The following LHX3 variants were observed in gnomAD, a reference collection of about 807,000 sequenced individuals.
LHX3 encodes the protein LIM homeobox 3.
In LHX3, 21 loss-of-function variants were observed where a neutral mutation model predicts 32.4. That is an observed-to-expected ratio of 0.65 (90% CI 0.46 to 0.93). LHX3 has a LOEUF of 0.93. Among genes scored for constraint, LHX3 ranks in the 40% least tolerant of loss-of-function variants. The pLI is 0.00. For synonymous variants in LHX3, 258 were observed against 246.8 expected, an observed-to-expected ratio of 1.05 and a Z score of -0.43; for missense variants, 626 against 560.0, an observed-to-expected ratio of 1.12 and a Z score of -1.19.
intron 1 of LHX3, chr9:136,201,141 A>G (rs1039357756): frequency 7.2e-7 from 1 of 1,392,010 alleles, no homozygotes; most frequent in Non-Finnish European, 9.3e-7. Flanking sequence ...CAGGAAACAT[A>G]GGGAAACGGG....
rs2131030062 is a variant in LHX3 at position 136,197,493 on chromosome 9, G to A, written c.1026C>T (p.Thr342=). The A allele has an allele frequency of 6.4e-7, 1 of 1,556,508 alleles. No individual in the cohort carries two copies. Among genetic ancestry groups the A allele is most frequent in the East Asian group, 2.4e-5 (1 of 41,610 alleles). The part of the protein sequence containing the change: ...PLLSSLVYPD[T]SLGLVPSGAP... Reference sequence around the variant, plus strand: ...CTCCCGAGGGCACAAGGCCCAAGCTGGTGTCTGGGTACACCAGGCTGGAGA... The same window carrying A: ...CTCCCGAGGGCACAAGGCCCAAGCTAGTGTCTGGGTACACCAGGCTGGAGA... The change falls in exon 6 of 6, where the codon ACC becomes ACT. Residue 342 remains threonine, a synonymous_variant. Transcript: ENST00000371748.
intron 1 of LHX3, chr9:136,201,625 C>T (rs979132969): frequency 5.0e-6 from 5 of 998,214 alleles, no homozygotes; most frequent in Non-Finnish European, 6.0e-6. Flanking sequence ...TGACATATTG[C>T]ACCCGCCTCC....
rs537126781 is a variant in LHX3 at position 136,198,537 on chromosome 9, A to G, written c.775+115T>C. 5.0e-6 allele frequency: 6 copies of G among 1,205,996 alleles called. No homozygotes were observed. The South Asian group carries it at 6.8e-5, about 14-fold the overall frequency. The allele number at this position is 1,205,996 out of a possible 1,614,324, so 74.7% of individuals were successfully genotyped here. On this transcript the variant is annotated intron_variant, in intron 5 of 5. Transcript: ENST00000371748. ...TAAGTGAAATGCTTTTGAAAGTAGA[A>G]CTTAAGGAGTCCACTAACTCCATGG...
intron 5 of LHX3, 59 bp from the exon 6 acceptor site, chr9:136,197,802 C>A (rs1440442062): frequency 4.4e-6 from 7 of 1,576,424 alleles, no homozygotes; most frequent in Non-Finnish European, 6.0e-6. Flanking sequence ...CCCTCAGAGT[C>A]CCATCCTGCA....
chr9:136,199,953 G>C, intron 2 of LHX3, 73 bp from the exon 3 acceptor site: 1 of 1,449,906 alleles, frequency 6.9e-7, no homozygotes, highest in Non-Finnish European at 9.4e-7. Flanking sequence ...TTGGAGAGAG[G>C]CAAGCGGCTG....
At chr9:136,200,293 G>T in intron 2 of LHX3, 1 of 555,422 alleles carries the variant, frequency 1.8e-6, no homozygotes, top group Non-Finnish European at 3.2e-6. Flanking sequence ...ACAAATAGGG[G>T]TGTATCTTCT....
intron 1 of LHX3, chr9:136,203,145 T>C (rs1831686520): frequency 7.5e-7 from 1 of 1,341,370 alleles, no homozygotes; most frequent in African/African-American, 1.6e-5. Context: ...CTCCGGGTGC[T>C]GCTGGGCGCT....
rs202124276 is a variant in LHX3 at position 136,204,992 on chromosome 9, G to C, written c.21C>G (p.Leu7=). ...CCCCGGGCCTCGCTCGGTCGCGCTC[G>C]AGCCCCGTTTCCAGCAGCATCGCGG... MLLETG[L]ERDRARPGAA... is the part of the protein sequence containing the mutation. Residue 7 remains leucine, a synonymous_variant, in exon 1 of 6, where the codon CTC becomes CTG. Transcript: ENST00000371748. The C allele has an allele frequency of 1.8e-4, 285 of 1,591,380 alleles. No homozygotes were observed. In the East Asian group the frequency reaches 4.4e-3, roughly 25 times the overall value.
intron 1 of LHX3, chr9:136,202,835 C>G: frequency 7.8e-7 from 1 of 1,280,164 alleles, no homozygotes; most frequent in South Asian, 1.3e-5. Flanking sequence ...GGGGTCCTCG[C>G]GCCCACTCCC....
At chr9:136,199,485 A>G (rs765750617) in intron 3 of LHX3, among the ~76,000 whole-genome samples, 193 bp downstream of exon 3, 56 of 152,246 alleles carry the variant, frequency 3.7e-4, no homozygotes, top group Non-Finnish European at 1.9e-4. Context: ...GACCGAACGA[A>G]GCGGTTCGGG....
At position 136,196,773 on chromosome 9, in the gene LHX3, C is replaced by A. The variant is rs1473852179; in HGVS notation, c.*552G>T. On this transcript the variant is annotated 3_prime_UTR_variant, in exon 6 of 6. Transcript: ENST00000371748. ...AAGGTGGGGCTGGAGGCAGAGAGGC[C>A]CCCTGTGGTCTGGGGAGAGGAGGGG... The A allele has an allele frequency of 4.5e-5, 7 of 154,578 alleles. No homozygotes were observed. The highest frequency in any genetic ancestry group is 1.7e-4 in the African/African-American group (7 of 41,438). The allele number at this position is 154,578 out of a possible 1,614,324, so 9.6% of individuals were successfully genotyped here.
chr9:136,200,864 C>T, intron 1 of LHX3, 111 bp from the exon 2 acceptor site: 2 of 1,263,594 alleles, frequency 1.6e-6, no homozygotes, highest in Non-Finnish European at 2.2e-6. Flanking sequence ...CTCAGGGCTG[C>T]CGAGGGGTCC....
rs776792156 is a variant in LHX3 at position 136,197,294 on chromosome 9, G to A, written c.*31C>T. On this transcript the variant is annotated 3_prime_UTR_variant, in exon 6 of 6. Coordinates refer to ENST00000371748, the MANE Select transcript of LHX3 (RefSeq NM_178138.6). ...CCGCCCACCCAGGGGCAGCTCCCTC[G>A]TGTGAGGTGCAGGGTGGAGCCGGGC... The A allele has an allele frequency of 1.9e-6, 3 of 1,609,768 alleles. No individual in the cohort carries two copies. The highest frequency in any genetic ancestry group is 2.5e-6 in the Non-Finnish European group (3 of 1,178,948).
intron 1 of LHX3, chr9:136,203,125 G>T: frequency 1.4e-6 from 2 of 1,420,426 alleles, no homozygotes; most frequent in Non-Finnish European, 1.8e-6. Flanking sequence ...CCGAACCGGC[G>T]TCCAAGCGAC....
chr9:136,199,536 T>C (rs1259117919), intron 3 of LHX3, 142 bp downstream of exon 3: 4 of 901,222 alleles, frequency 4.4e-6, no homozygotes, highest in African/African-American at 3.3e-5. Flanking sequence ...CGGCCTCGGC[T>C]TCCTGCTGCC....
intron 1 of LHX3, among the ~76,000 whole-genome samples, chr9:136,202,203 A>AAAGT (rs1554754996): frequency 3.3e-5 from 5 of 151,978 alleles, no homozygotes; most frequent in African/African-American, 1.2e-4. Flanking sequence ...GAACCGTCGA[A>AAAGT]AAATAAATAA....
At chr9:136,202,768 C>G (rs373760662) in intron 1 of LHX3, among the ~76,000 whole-genome samples, 66 of 152,310 alleles carry the variant, frequency 4.3e-4, no homozygotes, top group Non-Finnish European at 7.6e-4. Context: ...TCCCTGACAA[C>G]CCAGGCCAGG....
At chr9:136,201,097 C>A in intron 1 of LHX3, 4 of 1,404,178 alleles carry the variant, frequency 2.8e-6, no homozygotes, top group Non-Finnish European at 3.7e-6. Flanking sequence ...AAATGAAAAC[C>A]CCACCCCAGG....
At chr9:136,203,339 G>A (rs1386194031) in intron 1 of LHX3, among the ~76,000 whole-genome samples, 5 of 151,942 alleles carry the variant, frequency 3.3e-5, no homozygotes, top group African/African-American at 1.2e-4. Context: ...TGCCCGGCCC[G>A]AGGGCGGGCA....
Sources: gnomAD v4.1 joint callset for allele counts (sites outside exome capture counted in the v4.1 genomes callset) on GRCh38, gnomAD v4.1.1 for gene constraint, MANE v1.5 for transcripts, NCBI Gene and HGNC (gene_info 2026-07-23, HGNC 2026-07-21) for gene names.